Variants in RHO observed in about 807,000 individuals in gnomAD.
RHO encodes the protein rhodopsin.
Under a neutral mutation model 31.2 loss-of-function variants are expected in RHO, and 21 were observed. The observed-to-expected ratio is 0.67, with a 90% CI of 0.48 to 0.97. RHO has a LOEUF of 0.97. RHO is among the 50% of genes least tolerant of loss of function. RHO has a pLI of 0.00. For missense variants in RHO, 414 were observed against 479.5 expected, an observed-to-expected ratio of 0.86 and a Z score of 1.28; for synonymous variants, 211 against 196.6, an observed-to-expected ratio of 1.07 and a Z score of -0.61.
intron 1 of RHO, among the ~76,000 whole-genome samples, chr3:129,530,384 C>T (rs969581772): frequency 3.3e-5 from 5 of 152,000 alleles, no homozygotes; most frequent in Non-Finnish European, 7.4e-5. Flanking sequence ...CCCACATGTC[C>T]GGGTTATTTC....
In RHO at chr3:129,532,466, A is replaced by C. The variant is rs1578280870; in HGVS notation, c.696+50A>C. The C allele has an allele frequency of 1.2e-6, 2 of 1,613,820 alleles. No homozygotes were observed. The highest frequency in any genetic ancestry group is 4.5e-5 in the East Asian group (2 of 44,864). On this transcript the variant is annotated intron_variant, in intron 3 of 4. Coordinates refer to ENST00000296271, the MANE Select transcript of RHO (RefSeq NM_000539.3). The surrounding 1 kb of genome is among the most constrained non-coding windows in gnomAD (Gnocchi z 5.5). ...TCACGGCTCTGAGGGTCCAGCCCCC[A>C]GCATGCATCTGCGGCTCCTGCTCCC...
intron 1 of RHO, 112 bp downstream of exon 1, chr3:129,529,206 GTCAATGTTA>G: frequency 1.0e-5 from 14 of 1,338,698 alleles, no homozygotes; most frequent in Non-Finnish European, 1.3e-5. Context: ...CTCCTGTCCT[GTCAATGTTA>G]TCCAAAGCCC....
At position 129,532,299 on chromosome 3, in the gene RHO, G is replaced by A. The variant is rs755674549; in HGVS notation, c.579G>A (p.Thr193=). The part of the protein sequence containing the change: ...LQCSCGIDYY[T]LKPEVNNESF... Reference sequence around the variant, plus strand: ...GCTCGTGTGGAATCGACTACTACACGCTCAAGCCGGAGGTCAACAACGAGT... The same window carrying A: ...GCTCGTGTGGAATCGACTACTACACACTCAAGCCGGAGGTCAACAACGAGT... The change falls in exon 3 of 5, where the codon ACG becomes ACA. Residue 193 remains threonine, a synonymous_variant. Transcript: ENST00000296271. The surrounding 1 kb of genome is among the most constrained non-coding windows in gnomAD (Gnocchi z 5.5). 5.0e-6 allele frequency: 8 copies of A among 1,614,008 alleles called. No homozygotes were observed. Among genetic ancestry groups the A allele is most frequent in the South Asian group, 1.1e-5 (1 of 91,072 alleles).
At chr3:129,529,724 A>G (rs1303960511) in intron 1 of RHO, among the ~76,000 whole-genome samples, 5 of 152,184 alleles carry the variant, frequency 3.3e-5, no homozygotes, top group Non-Finnish European at 2.9e-5. Context: ...GGTGTTGAGA[A>G]CCGCAAGCAG....
rs1246150736 is a variant in RHO, at chr3:129,528,985, C to T, written c.252C>T (p.Leu84=). The change falls in exon 1 of 5, where the codon CTC becomes CTT. Residue 84 remains leucine, a synonymous_variant. Transcript: ENST00000296271. Reference sequence around the variant, plus strand: ...TGCTCAACCTAGCCGTGGCTGACCTCTTCATGGTCCTAGGTGGCTTCACCA... The same window carrying T: ...TGCTCAACCTAGCCGTGGCTGACCTTTTCATGGTCCTAGGTGGCTTCACCA... ...YILLNLAVAD[L]FMVLGGFTST... The T allele has an allele frequency of 6.2e-7, 1 of 1,614,258 alleles. No homozygotes were observed. Among genetic ancestry groups the T allele is most frequent in the Non-Finnish European group, 8.5e-7 (1 of 1,180,054 alleles).
At chr3:129,529,115 GGGT>G in intron 1 of RHO, 21 bp downstream of exon 1, 1 of 1,606,624 alleles carries the variant, frequency 6.2e-7, no homozygotes, top group Non-Finnish European at 8.5e-7. Flanking sequence ...GGTGTGGGTG[GGGT>G]GTGCAGGAGC....
chr3:129,530,533 A>ACACACACACACAC (rs1553781099), intron 1 of RHO, among the ~76,000 whole-genome samples: 29 of 122,914 alleles, frequency 2.4e-4, no homozygotes, highest in African/African-American at 8.5e-4. Context: ...ACACACACAC[A>ACACACACACACAC]ACACACACAC....
In RHO at chr3:129,529,035, G is replaced by C; in HGVS notation, c.302G>C (p.Gly101Ala). 1 of 1,613,630 alleles carries C rather than the reference G, an allele frequency of 6.2e-7. No individual in the cohort carries two copies. Among genetic ancestry groups the C allele is most frequent in the Non-Finnish European group, 8.5e-7 (1 of 1,179,566 alleles). ...FTSTLYTSLH[G>A]YFVFGPTGCN... Reference sequence around the variant, plus strand: ...AGCACCCTCTACACCTCTCTGCATGGATACTTCGTCTTCGGGCCCACAGGA... The same window carrying C: ...AGCACCCTCTACACCTCTCTGCATGCATACTTCGTCTTCGGGCCCACAGGA... Residue 101 changes from glycine (G) to alanine (A), a missense_variant, in exon 1 of 5, where the codon GGA becomes GCA. By Grantham distance (60) the Gly-to-Ala change is moderately conservative (BLOSUM62 0). Coordinates refer to ENST00000296271, the MANE Select transcript of RHO (RefSeq NM_000539.3).
In RHO at chr3:129,528,785, G is replaced by A. The variant is rs2108749149; in HGVS notation, c.52G>A (p.Gly18Ser). The A allele has an allele frequency of 6.2e-7, 1 of 1,614,182 alleles. No individual in the cohort carries two copies. Residue 18 changes from glycine (G) to serine (S), a missense_variant, in exon 1 of 5, where the codon GGT becomes AGT. Gly to Ser is a moderately conservative substitution (Grantham distance 56). Transcript: ENST00000296271. ...CTACGTGCCCTTCTCCAATGCGACG[G>A]GTGTGGTACGCAGCCCCTTCGAGTA... Reference protein sequence around the residue: ...NFYVPFSNATGVVRSPFEYPQ... With the variant: ...NFYVPFSNATSVVRSPFEYPQ...
At position 129,532,473 on chromosome 3, in the gene RHO, A is replaced by G; in HGVS notation, c.696+57A>G. 6.2e-7 allele frequency: 1 copy of G among 1,613,780 alleles called. No homozygotes were observed. Among genetic ancestry groups the G allele is most frequent in the Non-Finnish European group, 8.5e-7 (1 of 1,179,986 alleles). On this transcript the variant is annotated intron_variant, in intron 3 of 4. Transcript: ENST00000296271. This position sits in a 1 kb window ranked among gnomAD's most constrained non-coding sequence, Gnocchi z 5.5. ...TCTGAGGGTCCAGCCCCCAGCATGC[A>G]TCTGCGGCTCCTGCTCCCTGGAGGA...
intron 2 of RHO, among the ~76,000 whole-genome samples, chr3:129,531,715 C>T (rs532949412): frequency 6.6e-5 from 10 of 152,328 alleles, no homozygotes; most frequent in South Asian, 2.1e-4. Flanking sequence ...AGCCGCTGGA[C>T]GCTCTGGGTT....
In RHO at chr3:129,532,059, G is replaced by A. The variant is rs1452945428; in HGVS notation, c.531-192G>A. The stretch of plus-strand genomic sequence containing the variant: ...TAACGCAGCCACCAAACAATGAAGC[G>A]ACACTGATTCCACAAGGTGCATCTG... On this transcript the variant is annotated intron_variant, in intron 2 of 4. Coordinates refer to ENST00000296271, the MANE Select transcript of RHO (RefSeq NM_000539.3). The surrounding 1 kb of genome is among the most constrained non-coding windows in gnomAD (Gnocchi z 5.5). Among the ~76,000 whole-genome samples the A allele has an allele frequency of 2.6e-5, 4 of 152,172 alleles. No individual in the cohort carries two copies. Among genetic ancestry groups the A allele is most frequent in the Admixed American group, 6.5e-5 (1 of 15,274 alleles).
chr3:129,530,567 C>CACACACACACACACACACACACAA (rs1257173881), intron 1 of RHO, among the ~76,000 whole-genome samples: 1 of 150,968 alleles, frequency 6.6e-6, no homozygotes, highest in African/African-American at 2.4e-5. Context: ...CACACACACA[C>CACACACACACACACACACACACAA]AAAACTCCCT....
Position 129,528,953 on chromosome 3 carries a change from T to C in RHO, c.220T>C (p.Tyr74His), listed in dbSNP as rs758491851. 4.3e-6 allele frequency: 7 copies of C among 1,614,202 alleles called. No homozygotes were observed. The highest frequency in any genetic ancestry group is 5.9e-6 in the Non-Finnish European group (7 of 1,180,034). ...CAAGAAGCTGCGCACGCCTCTCAAC[T>C]ACATCCTGCTCAACCTAGCCGTGGC... ...QHKKLRTPLN[Y>H]ILLNLAVADL... Residue 74 changes from tyrosine to histidine, a missense_variant, in exon 1 of 5, where the codon TAC (tyrosine) becomes CAC (histidine). By Grantham distance (83) the Tyr-to-His change is moderately conservative (BLOSUM62 2). Coordinates refer to ENST00000296271, the MANE Select transcript of RHO (RefSeq NM_000539.3).
In RHO at chr3:129,532,206, C is replaced by T. The variant is rs368819173; in HGVS notation, c.531-45C>T. ...GCGCTCGGCAGCCACCTTGGCTGTT[C>T]CCAAGTCCCTCACAGGCAGGGTCTC... On this transcript the variant is annotated intron_variant, in intron 2 of 4. Transcript: ENST00000296271. The surrounding 1 kb of genome is among the most constrained non-coding windows in gnomAD (Gnocchi z 5.5). 3.4e-5 allele frequency: 53 copies of T among 1,580,006 alleles called. No homozygotes were observed. Among genetic ancestry groups the T allele is most frequent in the Non-Finnish European group, 4.5e-5 (52 of 1,149,288 alleles).
chr3:129,529,281 C>T (rs980618653), intron 1 of RHO, among the ~76,000 whole-genome samples, 187 bp downstream of exon 1: 1 of 152,256 alleles, frequency 6.6e-6, no homozygotes, highest in Non-Finnish European at 1.5e-5. Flanking sequence ...GCTGTTTGTG[C>T]AGGGCTGGCA....
At chr3:129,531,477 G>A (rs997111072) in intron 2 of RHO, among the ~76,000 whole-genome samples, 9 of 152,184 alleles carry the variant, frequency 5.9e-5, no homozygotes, top group Non-Finnish European at 8.8e-5. Flanking sequence ...GTCTCCTAAT[G>A]GGGCTGAGAT....
chr3:129,533,273 C>T (rs1312974008), intron 4 of RHO, among the ~76,000 whole-genome samples: 2 of 152,222 alleles, frequency 1.3e-5, no homozygotes, highest in East Asian at 3.9e-4. Context: ...ATTTCCTTCT[C>T]TGTGCTTTGG....
At chr3:129,529,291 A>C (rs2084760607) in intron 1 of RHO, among the ~76,000 whole-genome samples, 197 bp downstream of exon 1, 1 of 152,226 alleles carries the variant, frequency 6.6e-6, no homozygotes, top group Non-Finnish European at 1.5e-5. Context: ...CAGGGCTGGC[A>C]CTGAACACTG....
Sources: gnomAD v4.1 joint callset for allele counts (sites outside exome capture counted in the v4.1 genomes callset) on GRCh38, gnomAD v4.1.1 for gene constraint, Gnocchi (gnomAD v3.1) non-coding constraint, MANE v1.5 for transcripts, NCBI Gene and HGNC (gene_info 2026-07-23, HGNC 2026-07-21) for gene names.